TUSC3: variants seen among roughly 807,000 people sequenced by gnomAD.
TUSC3 encodes tumor suppressor candidate 3, also known as dolichyl-diphosphooligosaccharide--protein glycosyltransferase subunit TUSC3.
TUSC3 carries 45 observed loss-of-function variants against 44.8 expected under a neutral mutation model. The observed-to-expected ratio is 1.00, with a 90% CI of 0.79 to 1.29. The LOEUF (loss-of-function observed/expected upper bound fraction) is 1.29, where lower values mean the gene tolerates loss of function less well. Ranked by LOEUF, TUSC3 falls within the 50% of genes most tolerant of loss-of-function variation. The pLI is 0.00. For synonymous variants in TUSC3, 212 were observed against 152.9 expected (o/e 1.39, Z -2.85); for missense variants, 519 against 437.9 (o/e 1.19, Z -1.65).
intron 6 of TUSC3, among the ~76,000 whole-genome samples, chr8:15,719,616 C>T (rs1810218693): frequency 6.6e-6 from 1 of 151,800 alleles, no homozygotes. Flanking sequence ...ATGTAACTTG[C>T]CATGTATTAG....
the TUSC3 span, among the ~76,000 whole-genome samples, chr8:15,851,206 T>C: frequency 6.6e-6 from 1 of 152,216 alleles, no homozygotes; most frequent in African/African-American, 2.4e-5. Context: ...TTGTTATTTT[T>C]CCAGTTCCCA....
intron 1 of TUSC3, among the ~76,000 whole-genome samples, chr8:15,435,928 G>T (rs1025084945): frequency 6.6e-6 from 1 of 152,128 alleles, no homozygotes; most frequent in African/African-American, 2.4e-5. Flanking sequence ...GCTTCTGTTG[G>T]TTAGGGTTTT....
chr8:15,838,428 T>A, the TUSC3 span, among the ~76,000 whole-genome samples: 1 of 152,150 alleles, frequency 6.6e-6, no homozygotes, highest in East Asian at 1.9e-4. Context: ...CAACTATATA[T>A]CATGACTGTG....
upstream of TUSC3, among the ~76,000 whole-genome samples, chr8:15,538,196 G>A (rs1801553463): frequency 1.3e-5 from 2 of 152,206 alleles, no homozygotes; most frequent in Non-Finnish European, 2.9e-5. Context: ...GGCAAACGTA[G>A]CTGTAGCCAA....
At chr8:15,466,108 G>T (rs891229078) in intron 1 of TUSC3, among the ~76,000 whole-genome samples, 1 of 152,122 alleles carries the variant, frequency 6.6e-6, no homozygotes, top group East Asian at 1.9e-4. Context: ...GATTGTGCTA[G>T]ATTATTTTTA....
intron 2 of TUSC3, among the ~76,000 whole-genome samples, chr8:15,635,633 C>T (rs1328646681): frequency 6.6e-6 from 1 of 152,122 alleles, no homozygotes; most frequent in African/African-American, 2.4e-5. Flanking sequence ...TAGTAAGGTG[C>T]CAGTGGTAGC....
At chr8:15,472,470 C>A (rs547796831) in intron 1 of TUSC3, among the ~76,000 whole-genome samples, 1 of 152,284 alleles carries the variant, frequency 6.6e-6, no homozygotes, top group East Asian at 1.9e-4. Context: ...AGTTTTATCT[C>A]TGGCCGTTTC....
chr8:15,613,958 G>A (rs1286774899), intron 1 of TUSC3, among the ~76,000 whole-genome samples: 1 of 151,168 alleles, frequency 6.6e-6, no homozygotes, highest in Non-Finnish European at 1.5e-5. Context: ...CATTTTCCCT[G>A]TGTTATCTCC....
chr8:15,529,051 A>G (rs774971921), intron 2 of TUSC3, among the ~76,000 whole-genome samples: 2 of 152,222 alleles, frequency 1.3e-5, no homozygotes, highest in Non-Finnish European at 2.9e-5. Flanking sequence ...TGATACATAG[A>G]ACATGCTACA....
At chr8:15,614,717 C>G (rs1196017134) in intron 1 of TUSC3, among the ~76,000 whole-genome samples, 1 of 151,992 alleles carries the variant, frequency 6.6e-6, no homozygotes, top group African/African-American at 2.4e-5. Context: ...GTTTTCATGA[C>G]ATTTAAATTT....
At chr8:15,701,069 G>A (rs906100572) in intron 6 of TUSC3, among the ~76,000 whole-genome samples, 4 of 151,964 alleles carry the variant, frequency 2.6e-5, no homozygotes, top group African/African-American at 7.3e-5. Flanking sequence ...ACAAACACAA[G>A]TACATCCATC....
At chr8:15,785,627 C>T in the TUSC3 span, among the ~76,000 whole-genome samples, 1 of 152,066 alleles carries the variant, frequency 6.6e-6, no homozygotes, top group South Asian at 2.1e-4. Context: ...TGCAACACCT[C>T]TCCACTCCCT....
chr8:15,748,401 G>C lies in TUSC3; in HGVS notation c.964G>C (p.Val322Leu), dbSNP rs372519813. ...AATTTGCCTAGTGGGATTGGGCCTG[G>C]TGGTCTTCTTCTTCAGTTTTCTACT... ...RIICLVGLGLVVFFFSFLLSI... is the reference protein window; with the variant it reads ...RIICLVGLGLLVFFFSFLLSI... The change falls in exon 9 of 11, where the codon GTG (valine) becomes CTG (leucine). Residue 322 changes from valine to leucine, a missense_variant. By Grantham distance (32) the Val-to-Leu change is conservative. Transcript: ENST00000503731. The C allele has an allele frequency of 1.9e-6, 3 of 1,613,350 alleles. No homozygotes were observed. The highest frequency in any genetic ancestry group is 2.5e-6 in the Non-Finnish European group (3 of 1,179,566).
intron 1 of TUSC3, among the ~76,000 whole-genome samples, chr8:15,461,620 G>A (rs978939388): frequency 6.6e-6 from 1 of 151,922 alleles, no homozygotes; most frequent in Admixed American, 6.6e-5. Context: ...CCAGTCCTCA[G>A]AGGGAATACG....
chr8:15,738,915 C>G (rs1046936117), intron 7 of TUSC3, among the ~76,000 whole-genome samples: 7 of 145,152 alleles, frequency 4.8e-5, no homozygotes, highest in African/African-American at 1.5e-4. Context: ...TCACTGCAAC[C>G]TCTGCCTCCC....
chr8:15,613,400 A>G (rs1804847051), intron 1 of TUSC3, among the ~76,000 whole-genome samples: 1 of 152,178 alleles, frequency 6.6e-6, no homozygotes, highest in African/African-American at 2.4e-5. Context: ...GAAGAAAAGG[A>G]AAAGAAATTT....
At chr8:15,583,714 C>G (rs567836842) in intron 1 of TUSC3, among the ~76,000 whole-genome samples, 1 of 152,110 alleles carries the variant, frequency 6.6e-6, no homozygotes, top group African/African-American at 2.4e-5. Flanking sequence ...CAAGACTGTA[C>G]ATGCCATATT....
chr8:15,593,987 A>G (rs534066619), intron 1 of TUSC3, among the ~76,000 whole-genome samples: 19 of 152,228 alleles, frequency 1.2e-4, no homozygotes, highest in Middle Eastern at 3.4e-3. Flanking sequence ...TGCATAACTA[A>G]CTTTGGCATG....
At chr8:15,738,755 T>G (rs1171962355) in intron 7 of TUSC3, among the ~76,000 whole-genome samples, 1 of 151,768 alleles carries the variant, frequency 6.6e-6, no homozygotes, top group Non-Finnish European at 1.5e-5. Flanking sequence ...TATATATACT[T>G]TTATACATAT....
Sources: gnomAD v4.1 joint callset for allele counts (sites outside exome capture counted in the v4.1 genomes callset) on GRCh38, gnomAD v4.1.1 for gene constraint, MANE v1.5 for transcripts, NCBI Gene and HGNC (gene_info 2026-07-23, HGNC 2026-07-21) for gene names.